Variants in MECOM observed in about 807,000 individuals in gnomAD.
MECOM encodes histone-lysine N-methyltransferase MECOM.
Under a neutral mutation model 116.3 loss-of-function variants are expected in MECOM, and 13 were observed. The ratio of observed to expected loss-of-function variants is 0.11; its 90% CI spans 0.07 to 0.18. The LOEUF (loss-of-function observed/expected upper bound fraction) is 0.18. Among genes scored for constraint, MECOM ranks in the 10% least tolerant of loss-of-function variants. MECOM has a pLI of 1.00. For synonymous variants in MECOM, 528 were observed against 535.2 expected (o/e 0.99, Z 0.19); for missense variants, 1,299 against 1,509.0 (o/e 0.86, Z 2.31).
intron 1 of MECOM, among the ~76,000 whole-genome samples, chr3:169,585,546 T>C (rs1046048580): frequency 1.3e-5 from 2 of 152,086 alleles, no homozygotes; most frequent in Admixed American, 6.5e-5. Flanking sequence ...CCACCCAAAG[T>C]CCCTAACACC....
At chr3:169,339,975 G>A (rs1250185886) in intron 2 of MECOM, among the ~76,000 whole-genome samples, 2 of 152,082 alleles carry the variant, frequency 1.3e-5, no homozygotes. Context: ...AGAACAAGTG[G>A]GCCACATTTG....
chr3:169,534,190 A>G (rs1426395657), intron 1 of MECOM, among the ~76,000 whole-genome samples: 2 of 152,026 alleles, frequency 1.3e-5, no homozygotes, highest in East Asian at 1.9e-4. Flanking sequence ...GTTAATCTGT[A>G]TACTTTTCCA....
At chr3:169,410,897 A>T (rs1216463788) in intron 1 of MECOM, among the ~76,000 whole-genome samples, 1 of 152,154 alleles carries the variant, frequency 6.6e-6, no homozygotes, top group Non-Finnish European at 1.5e-5. Context: ...GTTAGCAAAA[A>T]TTAAAAGGAC....
chr3:169,618,935 G>T (rs749427335), intron 1 of MECOM, among the ~76,000 whole-genome samples: 2 of 151,566 alleles, frequency 1.3e-5, no homozygotes, highest in African/African-American at 4.9e-5. Context: ...AAAAGCCACC[G>T]TCCTCTAAGA....
intron 2 of MECOM, among the ~76,000 whole-genome samples, chr3:169,338,318 C>G (rs1723913791): frequency 6.6e-6 from 1 of 152,138 alleles, no homozygotes; most frequent in Admixed American, 6.6e-5. Flanking sequence ...CATAGCACCT[C>G]CGCCTTACAG....
chr3:169,207,104 A>G (rs1466049620), intron 2 of MECOM, among the ~76,000 whole-genome samples: 1 of 152,126 alleles, frequency 6.6e-6, no homozygotes, highest in Non-Finnish European at 1.5e-5. Flanking sequence ...TTCATAGCTA[A>G]TCACTTCATG....
chr3:169,218,226 T>G (rs1348253584), intron 2 of MECOM, among the ~76,000 whole-genome samples: 2 of 152,136 alleles, frequency 1.3e-5, no homozygotes, highest in East Asian at 3.8e-4. Flanking sequence ...AAAGGATCCA[T>G]TAATCAAAAT....
At chr3:169,294,246 T>C (rs1369844435) in intron 2 of MECOM, among the ~76,000 whole-genome samples, 4 of 152,216 alleles carry the variant, frequency 2.6e-5, no homozygotes, top group Non-Finnish European at 5.9e-5. Flanking sequence ...TTGCCTTATC[T>C]ACATGTCTGT....
rs918427501 is a variant in MECOM at position 169,231,660 on chromosome 3, C to T, written c.376-87828G>A. ...CCACACAAAAAGCTAGGGAGAAGCA[C>T]CCCAGGAAGAGAAATCTTTGAGGAA... On this transcript the variant is annotated intron_variant, in intron 2 of 16. Coordinates refer to ENST00000651503, the MANE Select transcript of MECOM (RefSeq NM_004991.4). Among the ~76,000 whole-genome samples, 14 of 151,432 alleles carry T rather than the reference C, an allele frequency of 9.2e-5. 1 individual carries two copies. The highest frequency in any genetic ancestry group is 8.6e-4 in the Admixed American group (13 of 15,180).
At chr3:169,359,037 G>A (rs977406122) in intron 2 of MECOM, among the ~76,000 whole-genome samples, 9 of 151,536 alleles carry the variant, frequency 5.9e-5, no homozygotes, top group Non-Finnish European at 1.3e-4. Context: ...TATTCTACCA[G>A]AATTTGGTTT....
chr3:169,563,207 A>G lies in MECOM; in HGVS notation c.37+100129T>C, dbSNP rs550903746. Among the ~76,000 whole-genome samples the G allele has an allele frequency of 1.5e-4, 23 of 152,216 alleles. No individual in the cohort carries two copies. The Middle Eastern group carries it at 0.01, about 68-fold the overall frequency. On this transcript the variant is annotated intron_variant, in intron 1 of 16. Coordinates refer to ENST00000651503, the MANE Select transcript of MECOM (RefSeq NM_004991.4). The stretch of plus-strand genomic sequence containing the variant: ...ACCCTGGCAGACAAGTCAGAATCCT[A>G]TGGTAATTGGCATGCAAAGAGACAT...
At chr3:169,625,780 C>T (rs1245829790) in intron 1 of MECOM, among the ~76,000 whole-genome samples, 2 of 152,166 alleles carry the variant, frequency 1.3e-5, no homozygotes, top group Non-Finnish European at 2.9e-5. Flanking sequence ...AAATATTTGG[C>T]AATGTGAGCT....
intron 12 of MECOM, among the ~76,000 whole-genome samples, chr3:169,098,766 G>A (rs781002367): frequency 6.6e-6 from 1 of 151,968 alleles, no homozygotes; most frequent in Non-Finnish European, 1.5e-5. Context: ...AGGTTTGGGT[G>A]GTCCTCCTGC....
At chr3:169,540,252 T>G (rs1228868672) in intron 1 of MECOM, among the ~76,000 whole-genome samples, 1 of 152,080 alleles carries the variant, frequency 6.6e-6, no homozygotes, top group Non-Finnish European at 1.5e-5. Context: ...AACTAGAAAA[T>G]AAACACCCCT....
At chr3:169,346,610 A>G (rs902326277) in intron 2 of MECOM, among the ~76,000 whole-genome samples, 1 of 152,036 alleles carries the variant, frequency 6.6e-6, no homozygotes, top group Admixed American at 6.6e-5. Flanking sequence ...CACAGGGGGA[A>G]AAAATGCACT....
intron 13 of MECOM, among the ~76,000 whole-genome samples, chr3:169,094,566 C>A (rs946940135): frequency 6.6e-6 from 1 of 152,232 alleles, no homozygotes; most frequent in Non-Finnish European, 1.5e-5. Context: ...CTATCATTTG[C>A]TATGGGTTGC....
At chr3:169,197,638 T>C (rs1379028927) in intron 2 of MECOM, among the ~76,000 whole-genome samples, 2 of 152,008 alleles carry the variant, frequency 1.3e-5, no homozygotes, top group Admixed American at 6.6e-5. Context: ...TCTCTCTGTA[T>C]ATTAAAAAGT....
intron 2 of MECOM, among the ~76,000 whole-genome samples, chr3:169,286,408 C>A (rs1713326887): frequency 2.0e-5 from 3 of 152,140 alleles, no homozygotes; most frequent in South Asian, 4.1e-4. Flanking sequence ...AAAACTTATC[C>A]TCGATGCAGA....
intron 1 of MECOM, among the ~76,000 whole-genome samples, chr3:169,614,017 C>T (rs1331848349): frequency 2.0e-5 from 3 of 152,070 alleles, no homozygotes; most frequent in Non-Finnish European, 2.9e-5. Flanking sequence ...AACTGATGAG[C>T]TCACATATGC....
Sources: gnomAD v4.1 joint callset for allele counts (sites outside exome capture counted in the v4.1 genomes callset) on GRCh38, gnomAD v4.1.1 for gene constraint, MANE v1.5 for transcripts, NCBI Gene and HGNC (gene_info 2026-07-23, HGNC 2026-07-21) for gene names.